The following AXDND1 variants were observed in gnomAD, a reference collection of about 807,000 sequenced individuals.
The protein encoded by AXDND1 is axonemal dynein light chain domain containing 1.
Under a neutral mutation model 137.5 loss-of-function variants are expected in AXDND1, and 110 were observed. That is an observed-to-expected ratio of 0.80 (90% CI 0.69 to 0.94). The LOEUF (loss-of-function observed/expected upper bound fraction) is 0.94, where lower values mean the gene tolerates loss of function less well. Ranked by LOEUF, AXDND1 falls within the 40% of genes least tolerant of loss-of-function variation. The pLI, the probability that AXDND1 is intolerant of heterozygous loss-of-function variation, is 0.00. For synonymous variants in AXDND1, 414 were observed against 399.7 expected (o/e 1.04, Z -0.43); for missense variants, 1,191 against 1,169.8 (o/e 1.02, Z -0.26).
intron 15 of AXDND1, among the ~76,000 whole-genome samples, chr1:179,442,381 A>T (rs1659116554): frequency 6.6e-6 from 1 of 152,188 alleles, no homozygotes; most frequent in Non-Finnish European, 1.5e-5. Context: ...CACGTGGAGA[A>T]AACTGAAGAA....
intron 25 of AXDND1, chr1:179,546,290 C>T (rs1189977122): frequency 7.1e-6 from 1 of 141,574 alleles, no homozygotes; most frequent in Non-Finnish European, 1.5e-5. Context: ...GTTAGGAAGA[C>T]ATAATGAGTG....
At chr1:179,551,780 C>T (rs996081469) in intron 25 of AXDND1, 13 of 325,580 alleles carry the variant, frequency 4.0e-5, no homozygotes, top group Non-Finnish European at 6.9e-5. Context: ...AAAGGCATGA[C>T]GTTATGAAAG....
chr1:179,430,367 T>C, intron 13 of AXDND1, 85 bp from the exon 14 acceptor site: 1 of 1,033,296 alleles, frequency 9.7e-7, no homozygotes, highest in Non-Finnish European at 1.4e-6. Context: ...AGTATTACAA[T>C]ATTAATAATG....
At chr1:179,481,657 A>G (rs1665402360) in intron 17 of AXDND1, among the ~76,000 whole-genome samples, 1 of 152,200 alleles carries the variant, frequency 6.6e-6, no homozygotes, top group Admixed American at 6.5e-5. Context: ...TTGTTTGCTG[A>G]CTTTTTAATG....
intron 21 of AXDND1, among the ~76,000 whole-genome samples, chr1:179,518,391 T>TC (rs1669749003): frequency 1.3e-5 from 2 of 151,736 alleles, no homozygotes; most frequent in Middle Eastern, 3.2e-3. Context: ...TTTTCTTTTT[T>TC]TTTTTTTTGA....
At chr1:179,376,014 T>C (rs1668582600) in intron 4 of AXDND1, among the ~76,000 whole-genome samples, 1 of 152,182 alleles carries the variant, frequency 6.6e-6, no homozygotes, top group Admixed American at 6.5e-5. Flanking sequence ...AGCTGCCAAA[T>C]GGCATTGCCC....
intron 25 of AXDND1, chr1:179,551,434 CG>C (rs1389953417): frequency 1.2e-6 from 2 of 1,613,492 alleles, no homozygotes; most frequent in Non-Finnish European, 1.7e-6. Flanking sequence ...CAGCCTTTTC[CG>C]CTTCTGCAGC....
intron 12 of AXDND1, among the ~76,000 whole-genome samples, chr1:179,429,134 G>A (rs567176602): frequency 2.6e-4 from 40 of 151,808 alleles, no homozygotes; most frequent in African/African-American, 4.6e-4. Context: ...CCGAGATTGC[G>A]CCACTGCACT....
intron 11 of AXDND1, among the ~76,000 whole-genome samples, chr1:179,404,137 G>A (rs946870889): frequency 6.6e-6 from 1 of 151,692 alleles, no homozygotes; most frequent in Non-Finnish European, 1.5e-5. Flanking sequence ...CAGTATCTAC[G>A]TGTATTTTAT....
At chr1:179,396,655 C>CA (rs59455939) in intron 11 of AXDND1, among the ~76,000 whole-genome samples, 15,362 of 136,448 alleles carry the variant, frequency 0.11, 849 homozygotes, top group East Asian at 0.28. Context: ...GACTCCATCT[C>CA]AAAAAAAAAA....
chr1:179,500,918 C>G (rs751213193), intron 20 of AXDND1, among the ~76,000 whole-genome samples: 1 of 152,148 alleles, frequency 6.6e-6, no homozygotes, highest in Non-Finnish European at 1.5e-5. Flanking sequence ...GTGATCCACC[C>G]GTCTCAGCCT....
At chr1:179,487,119 G>GA (rs1339697263) in intron 18 of AXDND1, among the ~76,000 whole-genome samples, 2 of 148,684 alleles carry the variant, frequency 1.3e-5, no homozygotes, top group African/African-American at 5.1e-5. Context: ...AAAGGATGGA[G>GA]AAAAATCTAC....
intron 14 of AXDND1, 43 bp downstream of exon 14, chr1:179,430,649 T>C: frequency 6.4e-7 from 1 of 1,567,980 alleles, no homozygotes; most frequent in Non-Finnish European, 8.7e-7. Flanking sequence ...TACTTATGTC[T>C]GATAACTCAG....
At chr1:179,506,753 C>G (rs144461293) in intron 20 of AXDND1, 5 of 552,266 alleles carry the variant, frequency 9.1e-6, no homozygotes, top group African/African-American at 4.1e-5. Flanking sequence ...AAAACTTCCT[C>G]TATGCCATTT....
intron 14 of AXDND1, 61 bp from the exon 15 acceptor site, chr1:179,432,205 AC>A: frequency 6.8e-7 from 1 of 1,466,824 alleles, no homozygotes; most frequent in South Asian, 1.3e-5. Flanking sequence ...TAGTGTGTGA[AC>A]TGATGATCTT....
chr1:179,429,797 G>C (rs55708548), intron 13 of AXDND1, among the ~76,000 whole-genome samples, 178 bp downstream of exon 13: 15,989 of 151,294 alleles, frequency 0.11, 962 homozygotes, highest in African/African-American at 0.14. Context: ...CTCTATATTT[G>C]TCTTCTAATT....
chr1:179,460,934 G>T (rs931063489), intron 16 of AXDND1, among the ~76,000 whole-genome samples: 1 of 152,070 alleles, frequency 6.6e-6, no homozygotes, highest in African/African-American at 2.4e-5. Context: ...TAAGTTCTTT[G>T]TGGACTCTGA....
intron 18 of AXDND1, among the ~76,000 whole-genome samples, chr1:179,484,100 C>T (rs1275092429): frequency 1.3e-5 from 2 of 152,164 alleles, no homozygotes; most frequent in Admixed American, 6.5e-5. Context: ...CTTCCTGGTC[C>T]CCAGTGACTC....
chr1:179,367,876 T>C (rs1216924627), intron 2 of AXDND1, among the ~76,000 whole-genome samples: 2 of 152,228 alleles, frequency 1.3e-5, no homozygotes, highest in East Asian at 3.8e-4. Context: ...TATGCGGATC[T>C]GTACTAGAGT....
Sources: gnomAD v4.1 joint callset for allele counts (sites outside exome capture counted in the v4.1 genomes callset) on GRCh38, gnomAD v4.1.1 for gene constraint, MANE v1.5 for transcripts, NCBI Gene and HGNC (gene_info 2026-07-23, HGNC 2026-07-21) for gene names.